RBFOX1: variants seen among roughly 807,000 people sequenced by gnomAD.
RBFOX1 encodes the protein RNA binding fox-1 homolog 1, also known as RNA binding protein fox-1 homolog 1.
In RBFOX1, 8 loss-of-function variants were observed where a neutral mutation model predicts 57.7. The observed-to-expected ratio is 0.14, with a 90% CI of 0.08 to 0.25. RBFOX1 has a LOEUF of 0.25. RBFOX1 is among the 10% of genes least tolerant of loss of function. The pLI is 1.00. For missense variants in RBFOX1, 611 were observed against 548.5 expected (o/e 1.11, Z -1.14); for synonymous variants, 326 against 222.4 (o/e 1.47, Z -4.15).
intron 3 of RBFOX1, among the ~76,000 whole-genome samples, chr16:6,772,541 G>A (rs565296955): frequency 6.6e-6 from 1 of 151,532 alleles, no homozygotes; most frequent in Non-Finnish European, 1.5e-5. Flanking sequence ...GCGCATTTGT[G>A]AGTGTATGTG....
chr16:6,021,471 G>C (rs2095075386), intron 1 of RBFOX1, among the ~76,000 whole-genome samples: 1 of 152,212 alleles, frequency 6.6e-6, no homozygotes, highest in South Asian at 2.1e-4. Context: ...CAGAAGCAAA[G>C]GACCTGGGGC....
At chr16:7,272,978 C>T (rs2095357139) in intron 4 of RBFOX1, among the ~76,000 whole-genome samples, 1 of 109,466 alleles carries the variant, frequency 9.1e-6, no homozygotes, top group African/African-American at 4.5e-5. Context: ...TCTTTCCTTC[C>T]GTCCCTCCCT....
intron 1 of RBFOX1, among the ~76,000 whole-genome samples, chr16:6,249,026 G>A (rs1226452054): frequency 1.3e-5 from 2 of 152,128 alleles, no homozygotes; most frequent in Non-Finnish European, 2.9e-5. Flanking sequence ...ATTAAAATAA[G>A]GCAACAAACA....
At chr16:5,683,544 C>G (rs1167978610) in intron 3 of RBFOX1, among the ~76,000 whole-genome samples, 4 of 151,884 alleles carry the variant, frequency 2.6e-5, no homozygotes, top group Non-Finnish European at 5.9e-5. Flanking sequence ...GCAGAAAAAC[C>G]TGAAAAGGAG....
At chr16:6,158,906 G>C (rs967451883) in intron 1 of RBFOX1, among the ~76,000 whole-genome samples, 1 of 102,672 alleles carries the variant, frequency 9.7e-6, no homozygotes, top group African/African-American at 3.7e-5. Flanking sequence ...TCTGTCATAG[G>C]TTTGTTTTTT....
chr16:6,143,999 A>G (rs932139761), intron 1 of RBFOX1, among the ~76,000 whole-genome samples: 1 of 148,956 alleles, frequency 6.7e-6, no homozygotes, highest in Admixed American at 6.6e-5. Flanking sequence ...CTACCTACCT[A>G]TGTTGTCCAG....
intron 1 of RBFOX1, among the ~76,000 whole-genome samples, chr16:6,087,587 A>G (rs2096106783): frequency 1.3e-5 from 2 of 152,134 alleles, no homozygotes; most frequent in Non-Finnish European, 2.9e-5. Context: ...TACTTTAAAT[A>G]ACTATATACT....
intron 1 of RBFOX1, among the ~76,000 whole-genome samples, chr16:6,108,189 A>T (rs1233049466): frequency 1.3e-5 from 2 of 152,172 alleles, no homozygotes; most frequent in African/African-American, 4.8e-5. Context: ...TGCAATATAC[A>T]TGTCTCTGTT....
At position 6,531,729 on chromosome 16, in the gene RBFOX1, A is replaced by G. The variant is rs553032145; in HGVS notation, c.-63-122874A>G. Among the ~76,000 whole-genome samples, 83 of 152,128 alleles carry G rather than the reference A, an allele frequency of 5.5e-4. 1 individual carries two copies. In the South Asian group the frequency reaches 0.017, roughly 31 times the overall value. ...ACCCAAACAGGGCTTCTTAATGGAG[A>G]TTTATAACATCAAAAGGGATTACAT... On this transcript the variant is annotated intron_variant, in intron 2 of 15. Transcript: ENST00000550418.
intron 4 of RBFOX1, among the ~76,000 whole-genome samples, chr16:7,502,869 A>G (rs572279481): frequency 6.6e-6 from 1 of 152,122 alleles, no homozygotes; most frequent in African/African-American, 2.4e-5. Context: ...CTAAAAATAC[A>G]AAAATTAGCC....
In RBFOX1 at chr16:7,058,782, A is replaced by C. The variant is rs184661601; in HGVS notation, c.27+6684A>C. 5.5e-4 allele frequency among the ~76,000 whole-genome samples: 84 copies of C among 152,266 alleles called. 2 individuals carry two copies. The highest frequency in any genetic ancestry group is 3.3e-3 in the Admixed American group (51 of 15,294). On this transcript the variant is annotated intron_variant, in intron 4 of 15. Coordinates refer to ENST00000550418, the MANE Select transcript of RBFOX1 (RefSeq NM_018723.4). ...GTTTTTCATTTACCGTGGCAATACA[A>C]AGTTTCCTTGGCACACATCGTATTT...
intron 3 of RBFOX1, among the ~76,000 whole-genome samples, chr16:6,984,760 C>G (rs549750760): frequency 6.6e-6 from 1 of 152,130 alleles, no homozygotes; most frequent in Non-Finnish European, 1.5e-5. Flanking sequence ...CCTGCCTCAG[C>G]CTCCTGAGTA....
Position 7,036,710 on chromosome 16 carries a change from C to A in RBFOX1, c.-15-15347C>A, listed in dbSNP as rs1317628180. 5.9e-3 allele frequency among the ~76,000 whole-genome samples: 751 copies of A among 128,130 alleles called. 4 individuals carry two copies. Among genetic ancestry groups the A allele is most frequent in the African/African-American group, 0.018 (682 of 38,030 alleles). 84.1% of individuals were successfully genotyped at this position (128,130 alleles called of 152,430 possible). A position where few individuals can be genotyped will look rare whatever the true frequency, so the allele number is the denominator to read the frequency against. The stretch of plus-strand genomic sequence containing the variant: ...TCCGTCTCAAAAACAAACAAACAAA[C>A]AAAAAAAACAAAAAACAAACAAAGA... On this transcript the variant is annotated intron_variant, in intron 3 of 15. Transcript: ENST00000550418.
chr16:6,449,525 C>T (rs753267845), intron 2 of RBFOX1, among the ~76,000 whole-genome samples: 11 of 152,186 alleles, frequency 7.2e-5, no homozygotes, highest in Non-Finnish European at 1.6e-4. Context: ...CTAGAAACAG[C>T]TGCTTCCTTT....
At chr16:5,904,456 T>G (rs1030248998) in intron 4 of RBFOX1, among the ~76,000 whole-genome samples, 1 of 151,720 alleles carries the variant, frequency 6.6e-6, no homozygotes, top group Admixed American at 6.6e-5. Flanking sequence ...ATGGGGAACC[T>G]CCTCGCTAAA....
Position 7,258,452 on chromosome 16 carries a change from A to G in RBFOX1, c.27+206354A>G, listed in dbSNP as rs374677626. ...GCATTATTTGCCTGTTTCATCTTCT[A>G]TATTCTCCTAAACCCTCTCTCTCTC... On this transcript the variant is annotated intron_variant, in intron 4 of 15. Transcript: ENST00000550418. Among the ~76,000 whole-genome samples the G allele has an allele frequency of 7.9e-5, 12 of 152,192 alleles. No homozygotes were observed. In the East Asian group the frequency reaches 1.4e-3, roughly 17 times the overall value.
chr16:6,848,167 G>A (rs2093864309), intron 3 of RBFOX1, among the ~76,000 whole-genome samples: 1 of 151,846 alleles, frequency 6.6e-6, no homozygotes, highest in Non-Finnish European at 1.5e-5. Context: ...CCCACAAGGA[G>A]GCTGATCACA....
chr16:5,825,534 A>T (rs1011692405), intron 3 of RBFOX1, among the ~76,000 whole-genome samples: 1 of 152,226 alleles, frequency 6.6e-6, no homozygotes, highest in Admixed American at 6.5e-5. Context: ...AAATTATAGC[A>T]TCTTTTCTCA....
chr16:5,993,384 TGA>T (rs1200838900), intron 4 of RBFOX1, among the ~76,000 whole-genome samples: 50 of 71,224 alleles, frequency 7.0e-4, no homozygotes, highest in Non-Finnish European at 1.3e-3. Flanking sequence ...TGTGTGTGTG[TGA>T]GAGAGAGAGA....
Sources: allele counts gnomAD v4.1 joint callset (sites outside exome capture counted in the v4.1 genomes callset), GRCh38; gene constraint gnomAD v4.1.1; transcripts MANE v1.5; gene names NCBI Gene and HGNC (gene_info 2026-07-23, HGNC 2026-07-21).